PPP2R2A: variants seen among roughly 807,000 people sequenced by gnomAD.
The protein encoded by PPP2R2A is serine/threonine-protein phosphatase 2A 55 kDa regulatory subunit B alpha isoform.
In PPP2R2A, 9 loss-of-function variants were observed where a neutral mutation model predicts 53.2. The observed-to-expected ratio is 0.17, with a 90% CI of 0.10 to 0.30. The LOEUF is 0.30. Among genes scored for constraint, PPP2R2A ranks in the 10% least tolerant of loss-of-function variants. The pLI, the probability that PPP2R2A is intolerant of heterozygous loss-of-function variation, is 1.00. For missense variants in PPP2R2A, 235 were observed against 534.6 expected (o/e 0.44, Z 5.53); for synonymous variants, 169 against 174.2 (o/e 0.97, Z 0.23).
At chr8:26,296,537 C>T (rs989778545) in intron 2 of PPP2R2A, among the ~76,000 whole-genome samples, 1 of 152,192 alleles carries the variant, frequency 6.6e-6, no homozygotes, top group Non-Finnish European at 1.5e-5. Context: ...TTGGAAATAA[C>T]CTATTTTTAA....
intron 2 of PPP2R2A, among the ~76,000 whole-genome samples, chr8:26,300,420 T>C (rs1465593665): frequency 1.3e-5 from 2 of 152,194 alleles, no homozygotes; most frequent in South Asian, 4.1e-4. Context: ...TGCTGTTAAA[T>C]AGGAAAACTG....
At chr8:26,309,647 G>A (rs1802185912) in intron 2 of PPP2R2A, among the ~76,000 whole-genome samples, 1 of 152,146 alleles carries the variant, frequency 6.6e-6, no homozygotes, top group Non-Finnish European at 1.5e-5. Context: ...GTTGTTTAGT[G>A]TAGTCACCTT....
chr8:26,312,319 T>C (rs1435827142), intron 2 of PPP2R2A, among the ~76,000 whole-genome samples: 5 of 152,348 alleles, frequency 3.3e-5, no homozygotes, highest in East Asian at 3.9e-4. Flanking sequence ...GGGAATCTGG[T>C]TAAAATACAG....
chr8:26,313,415 A>G (rs998200677), intron 2 of PPP2R2A, among the ~76,000 whole-genome samples: 1 of 152,122 alleles, frequency 6.6e-6, no homozygotes, highest in Non-Finnish European at 1.5e-5. Flanking sequence ...CTAAGAACTG[A>G]GGTCCGCTAG....
At chr8:26,319,097 G>A (rs994198201) in intron 2 of PPP2R2A, among the ~76,000 whole-genome samples, 1 of 152,064 alleles carries the variant, frequency 6.6e-6, no homozygotes, top group African/African-American at 2.4e-5. Context: ...TTTCATATTG[G>A]TGGAATCCTA....
At chr8:26,367,860 C>T (rs1446616130) in intron 9 of PPP2R2A, among the ~76,000 whole-genome samples, 1 of 152,218 alleles carries the variant, frequency 6.6e-6, no homozygotes, top group African/African-American at 2.4e-5. Context: ...AGAACAAAGT[C>T]AGTCTGGTTC....
intron 2 of PPP2R2A, among the ~76,000 whole-genome samples, chr8:26,311,365 A>G (rs1285880004): frequency 6.6e-6 from 1 of 152,198 alleles, no homozygotes; most frequent in African/African-American, 2.4e-5. Context: ...ACTTCCAATA[A>G]ATATACGTTA....
chr8:26,328,577 G>A (rs554679017), intron 2 of PPP2R2A, among the ~76,000 whole-genome samples: 2 of 152,236 alleles, frequency 1.3e-5, no homozygotes, highest in South Asian at 2.1e-4. Flanking sequence ...CCGAGCTCTG[G>A]TAACTATTCC....
chr8:26,368,452 C>T (rs1019678271), intron 9 of PPP2R2A, among the ~76,000 whole-genome samples: 20 of 152,168 alleles, frequency 1.3e-4, no homozygotes, highest in African/African-American at 4.1e-4. Context: ...TAATAAATGT[C>T]GAGCAGTAAT....
At chr8:26,330,803 A>G (rs941645823) in intron 2 of PPP2R2A, among the ~76,000 whole-genome samples, 42 of 152,188 alleles carry the variant, frequency 2.8e-4, no homozygotes, top group African/African-American at 1.0e-3. Flanking sequence ...GAAACCAGAC[A>G]GTGTGAATTT....
intron 9 of PPP2R2A, 99 bp downstream of exon 9, chr8:26,366,505 A>G: frequency 2.3e-6 from 2 of 880,712 alleles, no homozygotes; most frequent in East Asian, 5.5e-5. Flanking sequence ...TCCTTGAAAT[A>G]AATTTAGTAA....
At position 26,372,131 on chromosome 8, in the gene PPP2R2A, G is replaced by T. The variant is rs1805688323; in HGVS notation, c.*1718G>T. 6.6e-6 allele frequency: 1 copy of T among 152,142 alleles called. No individual in the cohort carries two copies. Among genetic ancestry groups the T allele is most frequent in the South Asian group, 2.1e-4 (1 of 4,832 alleles). 9.4% of individuals were successfully genotyped at this position (152,142 alleles called of 1,614,324 possible). A position where few individuals can be genotyped will look rare whatever the true frequency, so the allele number is the denominator to read the frequency against. ...AAGTTAGCATTTTTAGCACACAGGA[G>T]AAATTTTATGTAATAAAATTACTGT... is the stretch of plus-strand genomic sequence containing the variant. On this transcript the variant is annotated 3_prime_UTR_variant, in exon 10 of 10. Coordinates refer to ENST00000380737, the MANE Select transcript of PPP2R2A (RefSeq NM_002717.4).
rs772918475 is a variant in PPP2R2A, at chr8:26,360,144, G to A, written c.347-25G>A. 2.3e-6 allele frequency: 3 copies of A among 1,315,228 alleles called. No homozygotes were observed. Among genetic ancestry groups the A allele is most frequent in the African/African-American group, 1.5e-5 (1 of 67,640 alleles). The allele number at this position is 1,315,228 out of a possible 1,614,324, so 81.5% of individuals were successfully genotyped here. A position where few individuals can be genotyped will look rare whatever the true frequency, so the allele number is the denominator to read the frequency against. Reference sequence around the variant, plus strand: ...ATGTTTTTCTTCTTCAGTATTTTAAGGACTTTTCTTTATTTTCTTCCCAGA... The same window carrying A: ...ATGTTTTTCTTCTTCAGTATTTTAAAGACTTTTCTTTATTTTCTTCCCAGA... On this transcript the variant is annotated intron_variant, in intron 4 of 9. Transcript: ENST00000380737. This position sits in a 1 kb window ranked among gnomAD's most constrained non-coding sequence, Gnocchi z 4.5.
intron 2 of PPP2R2A, among the ~76,000 whole-genome samples, chr8:26,301,856 T>C (rs79287113): frequency 0.019 from 2,922 of 152,290 alleles, 90 homozygotes; most frequent in African/African-American, 0.067. Flanking sequence ...GAAGCCATCT[T>C]AGCATGAGAT....
chr8:26,355,020 C>G (rs1044465054), intron 4 of PPP2R2A, among the ~76,000 whole-genome samples: 2 of 152,162 alleles, frequency 1.3e-5, no homozygotes, highest in African/African-American at 2.4e-5. Context: ...TATTAAATAA[C>G]TTCACATACA....
At chr8:26,337,301 G>C (rs527266094) in intron 2 of PPP2R2A, among the ~76,000 whole-genome samples, 1 of 152,304 alleles carries the variant, frequency 6.6e-6, no homozygotes, top group African/African-American at 2.4e-5. Context: ...AATTGAGCTG[G>C]ACTTACGAGA....
chr8:26,295,670 G>A (rs541621454), intron 2 of PPP2R2A, among the ~76,000 whole-genome samples: 7 of 152,180 alleles, frequency 4.6e-5, no homozygotes, highest in South Asian at 4.2e-4. Flanking sequence ...TCTTAGCATC[G>A]TAAAATGCTG....
rs1055853775 is a variant in PPP2R2A at position 26,291,539 on chromosome 8, C to T, written c.-281C>T. 10 of 440,058 alleles carry T rather than the reference C, an allele frequency of 2.3e-5. No individual in the cohort carries two copies. The highest frequency in any genetic ancestry group is 3.7e-5 in the Non-Finnish European group (9 of 243,056). 27.3% of individuals were successfully genotyped at this position (440,058 alleles called of 1,614,324 possible). On this transcript the variant is annotated 5_prime_UTR_variant, in exon 1 of 10. Transcript: ENST00000380737. ...GCCGGCGCCATTTTGAAAGTGGAGT[C>T]GCCTGCCCCTGCCGCTGCCGCCGCC...
chr8:26,314,129 T>A (rs765785487), intron 2 of PPP2R2A, among the ~76,000 whole-genome samples: 43 of 152,216 alleles, frequency 2.8e-4, no homozygotes, highest in Non-Finnish European at 6.2e-4. Context: ...TCAAGAAGAA[T>A]CAGTTTATGT....
Sources: gnomAD v4.1 joint callset for allele counts (sites outside exome capture counted in the v4.1 genomes callset) on GRCh38, gnomAD v4.1.1 for gene constraint, Gnocchi (gnomAD v3.1) non-coding constraint, MANE v1.5 for transcripts, NCBI Gene and HGNC (gene_info 2026-07-23, HGNC 2026-07-21) for gene names.